Variants in CDKL3 observed in about 807,000 individuals in gnomAD.
CDKL3 encodes cyclin-dependent kinase-like 3.
Under a neutral mutation model 69.3 loss-of-function variants are expected in CDKL3, and 65 were observed. That is an observed-to-expected ratio of 0.94 (90% CI 0.77 to 1.15). The LOEUF is 1.15. CDKL3 is among the 50% of genes most tolerant of loss of function. The pLI, the probability that CDKL3 is intolerant of heterozygous loss-of-function variation, is 0.00. For synonymous variants in CDKL3, 202 were observed against 221.6 expected, an observed-to-expected ratio of 0.91 and a Z score of 0.79; for missense variants, 652 against 689.2, an observed-to-expected ratio of 0.95 and a Z score of 0.61.
At chr5:134,355,493 T>A (rs1341612072) in intron 3 of CDKL3, among the ~76,000 whole-genome samples, 1 of 152,188 alleles carries the variant, frequency 6.6e-6, no homozygotes, top group Admixed American at 6.5e-5. Flanking sequence ...TAGACTAGTA[T>A]GTGCAAAGGT....
intron 8 of CDKL3, among the ~76,000 whole-genome samples, chr5:134,292,304 C>A (rs1765154787): frequency 6.6e-6 from 1 of 151,878 alleles, no homozygotes; most frequent in South Asian, 2.1e-4. Context: ...AATTAAAAAT[C>A]AGTAACAGAA....
chr5:134,362,670 T>C (rs1174322915), intron 2 of CDKL3, among the ~76,000 whole-genome samples: 4 of 152,160 alleles, frequency 2.6e-5, no homozygotes, highest in African/African-American at 9.6e-5. Flanking sequence ...GGCTCACACC[T>C]GTAATCTCAG....
At chr5:134,329,748 C>T (rs1365940917) in intron 4 of CDKL3, among the ~76,000 whole-genome samples, 2 of 152,020 alleles carry the variant, frequency 1.3e-5, no homozygotes, top group African/African-American at 2.4e-5. Context: ...GGATTACAGG[C>T]GTGAGCCACC....
At chr5:134,371,567 T>TC (rs1215175873), upstream of CDKL3, 9 of 1,608,750 alleles carry the variant, frequency 5.6e-6, no homozygotes, top group Non-Finnish European at 7.6e-6. Flanking sequence ...TTTTTTTTTT[T>TC]CAGACTGACC....
intron 3 of CDKL3, among the ~76,000 whole-genome samples, chr5:134,357,487 C>T (rs1402216843): frequency 6.6e-6 from 1 of 151,742 alleles, no homozygotes; most frequent in African/African-American, 2.4e-5. Context: ...AAAAATTAGC[C>T]GGGCCTGGTG....
intron 5 of CDKL3, among the ~76,000 whole-genome samples, chr5:134,320,405 G>A (rs1287253935): frequency 2.0e-5 from 3 of 151,854 alleles, no homozygotes; most frequent in South Asian, 2.1e-4. Flanking sequence ...TGGCAAAACC[G>A]CGGCTGCACT....
At chr5:134,346,616 T>C (rs1751950058) in intron 4 of CDKL3, among the ~76,000 whole-genome samples, 1 of 152,040 alleles carries the variant, frequency 6.6e-6, no homozygotes, top group African/African-American at 2.4e-5. Context: ...CCTGCCTCAG[T>C]CTCTCGAGTA....
intron 4 of CDKL3, among the ~76,000 whole-genome samples, chr5:134,340,806 T>C (rs146764795): frequency 1.3e-3 from 200 of 152,260 alleles, no homozygotes; most frequent in Middle Eastern, 0.01. Flanking sequence ...ATACCAAGTC[T>C]TCACAAACTC....
chr5:134,343,080 C>T (rs1037111375), intron 4 of CDKL3, among the ~76,000 whole-genome samples: 4 of 151,860 alleles, frequency 2.6e-5, no homozygotes, highest in Non-Finnish European at 4.4e-5. Context: ...TGGTGCACCC[C>T]TGTAGTCCCA....
chr5:134,359,896 C>T lies in CDKL3; in HGVS notation c.360+1G>A. 6.4e-7 allele frequency: 1 copy of T among 1,571,844 alleles called. No individual in the cohort carries two copies. On this transcript the variant is annotated splice_donor_variant, in intron 3 of 12. Transcript: ENST00000265334. LOFTEE classifies it high-confidence loss of function. ...AAATTGGCTTATTCTGAAGCACTTACATTATTACTGTGAAGATAGTCAATT... is the reference window on the plus strand; with the variant it reads ...AAATTGGCTTATTCTGAAGCACTTATATTATTACTGTGAAGATAGTCAATT...
At chr5:134,311,179 G>T (rs1769387842) in intron 7 of CDKL3, among the ~76,000 whole-genome samples, 1 of 152,176 alleles carries the variant, frequency 6.6e-6, no homozygotes, top group African/African-American at 2.4e-5. Flanking sequence ...CTGTCTTCAG[G>T]GAACTTCCAA....
chr5:134,323,324 A>G (rs1773291027), intron 4 of CDKL3, among the ~76,000 whole-genome samples: 1 of 152,214 alleles, frequency 6.6e-6, no homozygotes, highest in African/African-American at 2.4e-5. Context: ...AATACATACA[A>G]TTTAATCTGT....
chr5:134,358,506 C>T (rs1755168727), intron 3 of CDKL3, among the ~76,000 whole-genome samples: 1 of 151,586 alleles, frequency 6.6e-6, no homozygotes. Context: ...ATTCTTGACT[C>T]CCTACCAGCT....
At chr5:134,342,106 A>G (rs1298191264) in intron 4 of CDKL3, among the ~76,000 whole-genome samples, 1 of 152,052 alleles carries the variant, frequency 6.6e-6, no homozygotes, top group Non-Finnish European at 1.5e-5. Flanking sequence ...CTGGGTATTT[A>G]CTCCAGACAA....
Position 134,311,845 on chromosome 5 carries a change from A to G in CDKL3, c.881+447T>C, listed in dbSNP as rs1769608691. ...GGTCTCAACCTGTCACCCAGGCTGG[A>G]GTGCAGTGGTGCAATCTCAGCTCAC... On this transcript the variant is annotated intron_variant, in intron 7 of 12. Coordinates refer to ENST00000265334, the MANE Select transcript of CDKL3 (RefSeq NM_001113575.2). Among the ~76,000 whole-genome samples, 3 of 152,092 alleles carry G rather than the reference A, an allele frequency of 2.0e-5. No homozygotes were observed. In the South Asian group the frequency reaches 6.2e-4, roughly 32 times the overall value.
intron 2 of CDKL3, among the ~76,000 whole-genome samples, chr5:134,364,896 T>G (rs1327391462): frequency 6.6e-6 from 1 of 151,732 alleles, no homozygotes; most frequent in Non-Finnish European, 1.5e-5. Flanking sequence ...AACCTCCACC[T>G]TCTGGGTTTG....
chr5:134,308,848 T>G, intron 7 of CDKL3, 121 bp from the exon 8 acceptor site: 3 of 850,750 alleles, frequency 3.5e-6, no homozygotes, highest in Non-Finnish European at 5.1e-6. Context: ...TAATGCTAAC[T>G]ATAATGCATG....
downstream of CDKL3, among the ~76,000 whole-genome samples, chr5:134,284,665 G>A (rs1444131306): frequency 6.6e-6 from 1 of 152,210 alleles, no homozygotes; most frequent in East Asian, 1.9e-4. Context: ...GCACAAGACA[G>A]ATACTCCCAG....
intron 4 of CDKL3, among the ~76,000 whole-genome samples, chr5:134,329,505 G>A (rs1052085357): frequency 4.0e-5 from 6 of 149,874 alleles, no homozygotes; most frequent in Non-Finnish European, 8.9e-5. Context: ...ACAGAGTCTC[G>A]CTCTGTCGCC....
Sources: allele counts gnomAD v4.1 joint callset (sites outside exome capture counted in the v4.1 genomes callset), GRCh38; gene constraint gnomAD v4.1.1; transcripts MANE v1.5; gene names NCBI Gene and HGNC (gene_info 2026-07-23, HGNC 2026-07-21).